RBKS: variants seen among roughly 807,000 people sequenced by gnomAD.
The protein encoded by RBKS is ribokinase.
A neutral mutation model predicts 33.9 loss-of-function variants in RBKS; 33 were observed. The ratio of observed to expected loss-of-function variants is 0.97; its 90% CI spans 0.74 to 1.30. The LOEUF is 1.30. RBKS is among the 50% of genes most tolerant of loss of function. RBKS has a pLI of 0.00. For missense variants in RBKS, 361 were observed against 392.6 expected (o/e 0.92, Z 0.68); for synonymous variants, 125 against 143.0 (o/e 0.87, Z 0.90).
At chr2:27,885,577 A>G (rs1664511216) in intron 1 of RBKS, among the ~76,000 whole-genome samples, 1 of 152,164 alleles carries the variant, frequency 6.6e-6, no homozygotes, top group South Asian at 2.1e-4. Context: ...CCCTCAGATT[A>G]TGACTTGTTT....
intron 1 of RBKS, among the ~76,000 whole-genome samples, chr2:27,880,755 G>A (rs1312532434): frequency 6.6e-6 from 1 of 152,052 alleles, no homozygotes; most frequent in Non-Finnish European, 1.5e-5. Flanking sequence ...ATTGATTGAA[G>A]AAATCAGAGA....
At chr2:27,800,840 G>T (rs1677763710) in intron 7 of RBKS, among the ~76,000 whole-genome samples, 1 of 152,196 alleles carries the variant, frequency 6.6e-6, no homozygotes, top group Non-Finnish European at 1.5e-5. Flanking sequence ...AGGGATGCCA[G>T]GCTCCAGAGA....
intron 6 of RBKS, among the ~76,000 whole-genome samples, chr2:27,829,658 C>T (rs570081427): frequency 2.4e-4 from 36 of 152,212 alleles, no homozygotes; most frequent in Non-Finnish European, 4.7e-4. Flanking sequence ...TGAGCCACCA[C>T]GCCCAGCCCT....
At position 27,827,689 on chromosome 2, in the gene RBKS, A is replaced by G. The variant is rs753213851; in HGVS notation, c.673T>C (p.Leu225=). The G allele has an allele frequency of 8.1e-6, 13 of 1,613,818 alleles. No homozygotes were observed. Among genetic ancestry groups the G allele is most frequent in the Non-Finnish European group, 9.3e-6 (11 of 1,179,948 alleles). Residue 225 remains leucine, a synonymous_variant, in exon 7 of 8, where the codon TTG becomes CTG. Coordinates refer to ENST00000302188, the MANE Select transcript of RBKS (RefSeq NM_022128.3). ...ADAGEAALVL[L]KRGCQVVIIT... Reference sequence around the variant, plus strand: ...ATTACCACCTGGCAGCCCCTTTTCAAGAGCACTAATGCAGCCTCCCCAGCA... The same window carrying G: ...ATTACCACCTGGCAGCCCCTTTTCAGGAGCACTAATGCAGCCTCCCCAGCA...
chr2:27,853,841 C>A (rs11127129), intron 2 of RBKS, among the ~76,000 whole-genome samples: 4 of 151,896 alleles, frequency 2.6e-5, no homozygotes, highest in African/African-American at 9.7e-5. Flanking sequence ...GAACATATGG[C>A]TAAGCATTCC....
At chr2:27,858,176 T>A (rs112530925) in intron 2 of RBKS, among the ~76,000 whole-genome samples, 686 of 152,276 alleles carry the variant, frequency 4.5e-3, no homozygotes, top group Middle Eastern at 0.017. Context: ...AGAGATAGAA[T>A]GAAGACTGGT....
rs1678553975 is a variant in RBKS at position 27,837,754 on chromosome 2, T to G, written c.515-4977A>C. Among the ~76,000 whole-genome samples, 1 of 152,158 alleles carries G rather than the reference T, an allele frequency of 6.6e-6. No individual in the cohort carries two copies. On this transcript the variant is annotated intron_variant, in intron 5 of 7. Coordinates refer to ENST00000302188, the MANE Select transcript of RBKS (RefSeq NM_022128.3). The surrounding 1 kb of genome is among the most constrained non-coding windows in gnomAD (Gnocchi z 4.0). The stretch of plus-strand genomic sequence containing the variant: ...AAAACCAAATACCACATGTATTCAC[T>G]TATAAGTGGGGGCTAAATATTGAGT...
intron 5 of RBKS, among the ~76,000 whole-genome samples, chr2:27,834,498 C>A (rs1340314382): frequency 6.6e-6 from 1 of 152,164 alleles, no homozygotes; most frequent in African/African-American, 2.4e-5. Context: ...TAGCCCAACA[C>A]CCCCGCCTGT....
intron 7 of RBKS, among the ~76,000 whole-genome samples, chr2:27,791,652 C>CAAA (rs779975640): frequency 5.4e-5 from 3 of 55,326 alleles, no homozygotes; most frequent in African/African-American, 1.5e-4. Context: ...ACTAAATATA[C>CAAA]ATATACATAT....
chr2:27,799,418 C>T (rs1228608984), intron 7 of RBKS, among the ~76,000 whole-genome samples: 2 of 152,196 alleles, frequency 1.3e-5, no homozygotes, highest in African/African-American at 4.8e-5. Context: ...GTGCATTCCT[C>T]CCCGATGTCT....
At chr2:27,791,069 C>A (rs1423356302) in intron 7 of RBKS, among the ~76,000 whole-genome samples, 1 of 152,094 alleles carries the variant, frequency 6.6e-6, no homozygotes, top group African/African-American at 2.4e-5. Flanking sequence ...CACATCCAGA[C>A]AAGGCAATAC....
At chr2:27,789,297 A>G (rs879629731) in intron 7 of RBKS, among the ~76,000 whole-genome samples, 2 of 151,770 alleles carry the variant, frequency 1.3e-5, no homozygotes, top group Admixed American at 6.6e-5. Flanking sequence ...CATTATACTC[A>G]CTGGTTGAAT....
chr2:27,785,701 G>C (rs1413197480), intron 7 of RBKS, among the ~76,000 whole-genome samples: 2 of 151,438 alleles, frequency 1.3e-5, no homozygotes, highest in African/African-American at 4.9e-5. Flanking sequence ...GATGGAGGTT[G>C]CAGTGAGCCG....
chr2:27,841,570 T>C (rs764898067), intron 5 of RBKS, among the ~76,000 whole-genome samples: 2 of 152,116 alleles, frequency 1.3e-5, no homozygotes, highest in Non-Finnish European at 2.9e-5. Context: ...ATACACTAAA[T>C]GTCAGGGAAA....
intron 1 of RBKS, among the ~76,000 whole-genome samples, chr2:27,874,503 ACGT>A (rs962611527): frequency 6.6e-6 from 1 of 152,202 alleles, no homozygotes; most frequent in African/African-American, 2.4e-5. Context: ...GTGACACAAC[ACGT>A]CGTCAAGAGT....
chr2:27,862,278 A>G (rs910086042), intron 1 of RBKS, among the ~76,000 whole-genome samples: 3 of 152,174 alleles, frequency 2.0e-5, no homozygotes, highest in African/African-American at 7.2e-5. Context: ...GGAAAAAGAT[A>G]TAGGTATATG....
intron 7 of RBKS, among the ~76,000 whole-genome samples, chr2:27,817,056 C>T (rs1015662750): frequency 6.6e-6 from 1 of 152,146 alleles, no homozygotes; most frequent in African/African-American, 2.4e-5. Flanking sequence ...CCTGAGAAAA[C>T]TAAGGCTTAG....
intron 7 of RBKS, among the ~76,000 whole-genome samples, chr2:27,821,781 AG>A (rs1234490130): frequency 5.3e-5 from 8 of 152,244 alleles, no homozygotes; most frequent in Admixed American, 4.6e-4. Context: ...AGGAAACAAC[AG>A]TCACTTCTTG....
intron 1 of RBKS, among the ~76,000 whole-genome samples, chr2:27,862,904 T>C (rs1448422857): frequency 6.6e-6 from 1 of 152,200 alleles, no homozygotes; most frequent in African/African-American, 2.4e-5. Context: ...CCTATCTTTC[T>C]TCCTTATTGA....
Sources: allele counts gnomAD v4.1 joint callset (sites outside exome capture counted in the v4.1 genomes callset), GRCh38; gene constraint gnomAD v4.1.1; non-coding constraint Gnocchi (gnomAD v3.1); transcripts MANE v1.5; gene names NCBI Gene and HGNC (gene_info 2026-07-23, HGNC 2026-07-21).